TRIM71: variants seen among roughly 807,000 people sequenced by gnomAD.
TRIM71 encodes the protein tripartite motif containing 71, also known as E3 ubiquitin-protein ligase TRIM71.
Under a neutral mutation model 61.2 loss-of-function variants are expected in TRIM71, and 9 were observed. The ratio of observed to expected loss-of-function variants is 0.15; its 90% confidence interval spans 0.09 to 0.26. The LOEUF is 0.26. Ranked by LOEUF, TRIM71 falls within the 10% of genes least tolerant of loss-of-function variation. The pLI, the probability that TRIM71 is intolerant of heterozygous loss-of-function variation, is 1.00. For synonymous variants in TRIM71, 645 were observed against 553.2 expected, an observed-to-expected ratio of 1.17 and a Z score of -2.33; for missense variants, 998 against 1,238.7, an observed-to-expected ratio of 0.81 and a Z score of 2.92.
intron 2 of TRIM71, among the ~76,000 whole-genome samples, chr3:32,879,706 C>T (rs1357381388): frequency 6.6e-6 from 1 of 150,916 alleles, no homozygotes; most frequent in African/African-American, 2.4e-5. Flanking sequence ...AGTACTGTAG[C>T]TCAAAACTGT....
chr3:32,887,916 T>C (rs1180254840), intron 3 of TRIM71, among the ~76,000 whole-genome samples: 1 of 152,194 alleles, frequency 6.6e-6, no homozygotes, highest in African/African-American at 2.4e-5. Context: ...CTTTCAACAG[T>C]GGACGCTTAT....
rs886660741 is a variant in TRIM71 at position 32,896,813 on chromosome 3, CACTG to C, written c.*5008_*5011del. On this transcript the variant is annotated 3_prime_UTR_variant, in exon 4 of 4. Transcript: ENST00000383763. ...TTTCTTAAGACTCTATCTCAGAGCACACTGACTGAATGTTGATGTGTGTAGCAAA... is the reference window on the plus strand; with the variant it reads ...TTTCTTAAGACTCTATCTCAGAGCACACTGAATGTTGATGTGTGTAGCAAA... 23 of 152,324 alleles carry C rather than the reference CACTG, an allele frequency of 1.5e-4. No homozygotes were observed. The highest frequency in any genetic ancestry group is 5.3e-4 in the African/African-American group (22 of 41,574). 9.4% of individuals were successfully genotyped at this position (152,324 alleles called of 1,614,324 possible).
chr3:32,841,062 T>C (rs889190023), intron 1 of TRIM71, among the ~76,000 whole-genome samples: 1 of 151,108 alleles, frequency 6.6e-6, no homozygotes, highest in East Asian at 2.0e-4. Flanking sequence ...CTGGCTAACC[T>C]GGTGAAACCC....
At chr3:32,868,490 G>A (rs1696762544) in intron 1 of TRIM71, among the ~76,000 whole-genome samples, 1 of 152,164 alleles carries the variant, frequency 6.6e-6, no homozygotes, top group Non-Finnish European at 1.5e-5. Context: ...TCATTAAGTT[G>A]TGGTACATTC....
intron 1 of TRIM71, among the ~76,000 whole-genome samples, chr3:32,835,022 T>G (rs1161262023): frequency 6.6e-6 from 1 of 152,192 alleles, no homozygotes; most frequent in Non-Finnish European, 1.5e-5. Flanking sequence ...TGTTGAGATG[T>G]AAAACCAATT....
chr3:32,821,759 G>A (rs1188580813), intron 1 of TRIM71, among the ~76,000 whole-genome samples: 1 of 151,610 alleles, frequency 6.6e-6, no homozygotes. Context: ...AGCTGGCCGC[G>A]GGCCCGCTGC....
chr3:32,894,306 T>G lies in TRIM71; in HGVS notation c.*2495T>G, dbSNP rs1384238709. 4.6e-5 allele frequency: 7 copies of G among 152,174 alleles called. No individual in the cohort carries two copies. The highest frequency in any genetic ancestry group is 2.6e-4 in the Admixed American group (4 of 15,274). The allele number at this position is 152,174 out of a possible 1,614,324, so 9.4% of individuals were successfully genotyped here. A position where few individuals can be genotyped will look rare whatever the true frequency, so the allele number is the denominator to read the frequency against. ...CTTTTCTTTCTAATTTCCCCAGATG[T>G]AGGAAAATTTTGGGACCTGAATGAG... On this transcript the variant is annotated 3_prime_UTR_variant, in exon 4 of 4. Transcript: ENST00000383763.
intron 1 of TRIM71, among the ~76,000 whole-genome samples, chr3:32,824,353 C>T (rs1215554651): frequency 1.3e-5 from 2 of 150,242 alleles, no homozygotes; most frequent in Non-Finnish European, 3.0e-5. Context: ...AATTTTTTTT[C>T]TTTCTTTTTT....
intron 1 of TRIM71, among the ~76,000 whole-genome samples, chr3:32,870,159 G>T (rs1235375076): frequency 2.0e-5 from 3 of 152,146 alleles, no homozygotes; most frequent in Non-Finnish European, 4.4e-5. Context: ...TTCAAATTGT[G>T]GTTAGATGAG....
intron 2 of TRIM71, among the ~76,000 whole-genome samples, chr3:32,878,238 G>A (rs1012354536): frequency 2.0e-5 from 3 of 152,236 alleles, no homozygotes; most frequent in African/African-American, 7.2e-5. Context: ...GGGTGACCAG[G>A]TGCATTGTCA....
At chr3:32,876,240 T>G (rs1234858461) in intron 2 of TRIM71, among the ~76,000 whole-genome samples, 2 of 152,216 alleles carry the variant, frequency 1.3e-5, no homozygotes, top group East Asian at 3.9e-4. Context: ...CCTGCTGGTG[T>G]CTCCTCGACA....
At chr3:32,821,814 G>C (rs1696137897) in intron 1 of TRIM71, among the ~76,000 whole-genome samples, 1 of 151,302 alleles carries the variant, frequency 6.6e-6, no homozygotes, top group Admixed American at 6.6e-5. Flanking sequence ...GAGTCGCCGC[G>C]GGCCTGCGCC....
chr3:32,831,942 A>G (rs1437433277), intron 1 of TRIM71, among the ~76,000 whole-genome samples: 1 of 152,134 alleles, frequency 6.6e-6, no homozygotes, highest in Non-Finnish European at 1.5e-5. Flanking sequence ...GATGTGTTAA[A>G]ATTTGCCATC....
At chr3:32,819,484 TTTG>T (rs1354399404) in intron 1 of TRIM71, among the ~76,000 whole-genome samples, 13 of 152,258 alleles carry the variant, frequency 8.5e-5, no homozygotes, top group Non-Finnish European at 1.6e-4. Flanking sequence ...GACTGGTTTT[TTTG>T]TTGTTGGGAC....
intron 1 of TRIM71, among the ~76,000 whole-genome samples, chr3:32,835,764 A>G (rs1242012717): frequency 1.3e-5 from 2 of 152,196 alleles, no homozygotes; most frequent in Admixed American, 1.3e-4. Flanking sequence ...TCCTGATTTA[A>G]TTATAAGTAA....
At chr3:32,879,136 C>T (rs1455346755) in intron 2 of TRIM71, among the ~76,000 whole-genome samples, 2 of 152,232 alleles carry the variant, frequency 1.3e-5, no homozygotes. Flanking sequence ...TCTGCAGCTT[C>T]CTCATCTCTC....
chr3:32,824,357 CTT>C (rs1229852096), intron 1 of TRIM71, among the ~76,000 whole-genome samples: 17 of 141,612 alleles, frequency 1.2e-4, no homozygotes, highest in Non-Finnish European at 1.2e-4. Context: ...TTTTTTCTTT[CTT>C]TTTTTTTTTT....
At position 32,827,532 on chromosome 3, in the gene TRIM71, A is replaced by G. The variant is rs925167642; in HGVS notation, c.852+8600A>G. ...CGCCTCAGCCTCCCAAAGTGCTGGGATTACAGGCGTGAGCCACCGCGCCTT... is the reference window on the plus strand; with the variant it reads ...CGCCTCAGCCTCCCAAAGTGCTGGGGTTACAGGCGTGAGCCACCGCGCCTT... On this transcript the variant is annotated intron_variant, in intron 1 of 3. Coordinates refer to ENST00000383763, the MANE Select transcript of TRIM71 (RefSeq NM_001039111.3). Among the ~76,000 whole-genome samples, 12 of 152,126 alleles carry G rather than the reference A, an allele frequency of 7.9e-5. No individual in the cohort carries two copies. The East Asian group carries it at 2.3e-3, about 29-fold the overall frequency.
Position 32,884,574 on chromosome 3 carries a change from A to G in TRIM71, c.1021-1360A>G, listed in dbSNP as rs114154608. Among the ~76,000 whole-genome samples, 507 of 151,646 alleles carry G rather than the reference A, an allele frequency of 3.3e-3. 1 individual carries two copies. Among genetic ancestry groups the G allele is most frequent in the African/African-American group, 0.011 (439 of 41,376 alleles). On this transcript the variant is annotated intron_variant, in intron 2 of 3. Transcript: ENST00000383763. ...AAAAAAGAAAGAAAAAGAAATGCCC[A>G]GGACAGACAGATCTGTAGAGAGACA... is the stretch of plus-strand genomic sequence containing the variant.
Sources: allele counts gnomAD v4.1 joint callset (sites outside exome capture counted in the v4.1 genomes callset), GRCh38; gene constraint gnomAD v4.1.1; transcripts MANE v1.5; gene names NCBI Gene and HGNC (gene_info 2026-07-23, HGNC 2026-07-21).